Variants in ARHGAP35 observed in about 807,000 individuals in gnomAD.
The protein encoded by ARHGAP35 is rho GTPase-activating protein 35.
Under a neutral mutation model 111.1 loss-of-function variants are expected in ARHGAP35, and 15 were observed. The observed-to-expected ratio is 0.13, with a 90% CI of 0.09 to 0.21. The LOEUF (loss-of-function observed/expected upper bound fraction) is 0.21, where lower values mean the gene tolerates loss of function less well. Among genes scored for constraint, ARHGAP35 ranks in the 10% least tolerant of loss-of-function variants. The pLI, the probability that ARHGAP35 is intolerant of heterozygous loss-of-function variation, is 1.00. For synonymous variants in ARHGAP35, 643 were observed against 710.3 expected, an observed-to-expected ratio of 0.91 and a Z score of 1.51; for missense variants, 1,262 against 1,873.0, an observed-to-expected ratio of 0.67 and a Z score of 6.02.
chr19:46,868,529 G>T (rs1599789566), intron 1 of ARHGAP35, among the ~76,000 whole-genome samples: 1 of 152,280 alleles, frequency 6.6e-6, no homozygotes, highest in East Asian at 1.9e-4. Flanking sequence ...ATTTTGAAAA[G>T]AATGTACACC....
At chr19:46,964,686 T>C (rs1418816159) in intron 3 of ARHGAP35, among the ~76,000 whole-genome samples, 1 of 152,214 alleles carries the variant, frequency 6.6e-6, no homozygotes, top group Non-Finnish European at 1.5e-5. Context: ...ATTTGCTTGA[T>C]AGGGCAGTTT....
Position 46,926,692 on chromosome 19 carries a change from A to G in ARHGAP35, c.3681+4336A>G, listed in dbSNP as rs974224780. On this transcript the variant is annotated intron_variant, in intron 2 of 6. Coordinates refer to ENST00000672722, the MANE Select transcript of ARHGAP35 (RefSeq NM_004491.5). The surrounding 1 kb of genome is among the most constrained non-coding windows in gnomAD (Gnocchi z 4.1). ...TTTCACTCACTGCAGCAACCACATG[A>G]CAAGACAACCTATTGAAAAGCTAAC... Among the ~76,000 whole-genome samples the G allele has an allele frequency of 4.6e-5, 7 of 152,212 alleles. No individual in the cohort carries two copies. Among genetic ancestry groups the G allele is most frequent in the Non-Finnish European group, 7.3e-5 (5 of 68,034 alleles).
intron 1 of ARHGAP35, among the ~76,000 whole-genome samples, chr19:46,877,087 T>C (rs1447341420): frequency 1.3e-5 from 2 of 150,200 alleles, no homozygotes; most frequent in Non-Finnish European, 3.0e-5. Flanking sequence ...CCATCTCTAC[T>C]AAAAATACAA....
chr19:46,995,554 C>CT (rs2056702885), intron 5 of ARHGAP35, among the ~76,000 whole-genome samples: 1 of 152,248 alleles, frequency 6.6e-6, no homozygotes, highest in African/African-American at 2.4e-5. Flanking sequence ...GGAGACAGGC[C>CT]TGGGTCCCAT....
intron 3 of ARHGAP35, among the ~76,000 whole-genome samples, chr19:46,963,928 C>T (rs966180933): frequency 1.3e-5 from 2 of 151,252 alleles, no homozygotes; most frequent in Non-Finnish European, 1.5e-5. Context: ...AGTGCAGTGG[C>T]GCAATCTCGG....
rs927330335 is a variant in ARHGAP35 at position 46,993,767 on chromosome 19, C to T, written c.4036+4092C>T. Among the ~76,000 whole-genome samples, 1 of 152,162 alleles carries T rather than the reference C, an allele frequency of 6.6e-6. No individual in the cohort carries two copies. Among genetic ancestry groups the T allele is most frequent in the African/African-American group, 2.4e-5 (1 of 41,434 alleles). On this transcript the variant is annotated intron_variant, in intron 5 of 6. Transcript: ENST00000672722. The surrounding 1 kb of genome is among the most constrained non-coding windows in gnomAD (Gnocchi z 4.6). ...AGGAAGAGGTGCAGCTCCCAGCCCA[C>T]GCCCCCTGAGCAAGAGCAGAGCCAC...
At position 46,908,503 on chromosome 19, in the gene ARHGAP35, A is replaced by G. The variant is rs1368133998; in HGVS notation, c.-188-9985A>G. ...GGTTTTTGTTGTTGTTTTTCTTAAT[A>G]TAGGTAATCCAGAAATTATGCTAAA... On this transcript the variant is annotated intron_variant, in intron 1 of 6. Coordinates refer to ENST00000672722, the MANE Select transcript of ARHGAP35 (RefSeq NM_004491.5). The surrounding 1 kb of genome is among the most constrained non-coding windows in gnomAD (Gnocchi z 4.2). Among the ~76,000 whole-genome samples, 1 of 152,148 alleles carries G rather than the reference A, an allele frequency of 6.6e-6. No individual in the cohort carries two copies. Among genetic ancestry groups the G allele is most frequent in the Non-Finnish European group, 1.5e-5 (1 of 68,038 alleles).
At chr19:46,869,690 A>G (rs2055877673) in intron 1 of ARHGAP35, among the ~76,000 whole-genome samples, 1 of 152,080 alleles carries the variant, frequency 6.6e-6, no homozygotes, top group Non-Finnish European at 1.5e-5. Flanking sequence ...GTTCAGTAAC[A>G]AATTGATTGT....
intron 2 of ARHGAP35, among the ~76,000 whole-genome samples, chr19:46,936,764 G>T (rs968541761): frequency 6.6e-6 from 1 of 151,784 alleles, no homozygotes; most frequent in Non-Finnish European, 1.5e-5. Flanking sequence ...CTGGCATCCT[G>T]TGTGGTATTC....
chr19:46,904,607 G>C (rs1478405076), intron 1 of ARHGAP35, among the ~76,000 whole-genome samples: 3 of 152,166 alleles, frequency 2.0e-5, no homozygotes, highest in African/African-American at 7.2e-5. Context: ...CACTGTGTCA[G>C]CATTTCCATG....
rs1382071455 is a variant in ARHGAP35 at position 46,861,017 on chromosome 19, C to T, written c.-381C>T. 6.7e-6 allele frequency among the ~76,000 whole-genome samples: 1 copy of T among 150,092 alleles called. No individual in the cohort carries two copies. Among genetic ancestry groups the T allele is most frequent in the Non-Finnish European group, 1.5e-5 (1 of 67,180 alleles). ...CCCCCGCCCCGAGGGAGAGCCGCGG[C>T]GCGGCGGCAGGAGGAGGTGGAGGAG... On this transcript the variant is annotated 5_prime_UTR_variant, in exon 1 of 7. Transcript: ENST00000672722.
chr19:46,944,646 A>G (rs192354801), intron 3 of ARHGAP35, among the ~76,000 whole-genome samples: 2 of 152,304 alleles, frequency 1.3e-5, no homozygotes, highest in African/African-American at 4.8e-5. Context: ...TGGGAAGAGA[A>G]GCCTTGTTTG....
intron 3 of ARHGAP35, among the ~76,000 whole-genome samples, chr19:46,985,255 T>C (rs866435659): frequency 1.3e-5 from 2 of 152,220 alleles, no homozygotes; most frequent in Non-Finnish European, 2.9e-5. Context: ...TAACTAGTGC[T>C]GGTGAGCAGG....
intron 3 of ARHGAP35, among the ~76,000 whole-genome samples, chr19:46,978,686 G>GATGTGTGTGTGGTGGGGC (rs2056596702): frequency 1.2e-5 from 1 of 80,010 alleles, no homozygotes; most frequent in Admixed American, 1.3e-4. Context: ...TGTGTGGTGG[G>GATGTGTGTGTGGTGGGGC]ATGTGTGTGT....
At chr19:46,997,052 G>A (rs1410129074) in intron 5 of ARHGAP35, among the ~76,000 whole-genome samples, 2 of 152,156 alleles carry the variant, frequency 1.3e-5, no homozygotes, top group Non-Finnish European at 2.9e-5. Context: ...AGCTACTTGG[G>A]AGGCTGAGGC....
chr19:46,943,582 A>G (rs1434426638), intron 3 of ARHGAP35, among the ~76,000 whole-genome samples: 7 of 152,138 alleles, frequency 4.6e-5, no homozygotes, highest in African/African-American at 1.7e-4. Flanking sequence ...ATGACCACAC[A>G]GTTTCCATGT....
In ARHGAP35 at chr19:46,949,365, A is replaced by T. The variant is rs533193227; in HGVS notation, c.3826+11957A>T. Among the ~76,000 whole-genome samples the T allele has an allele frequency of 2.4e-4, 37 of 152,320 alleles. 1 individual carries two copies. In the South Asian group the frequency reaches 6.0e-3, roughly 25 times the overall value. On this transcript the variant is annotated intron_variant, in intron 3 of 6. Coordinates refer to ENST00000672722, the MANE Select transcript of ARHGAP35 (RefSeq NM_004491.5). Reference sequence around the variant, plus strand: ...TACAAAGGGGGACCACACCTTTATAATTTAAAGATCTGGGTATTACCACCT... The same window carrying T: ...TACAAAGGGGGACCACACCTTTATATTTTAAAGATCTGGGTATTACCACCT...
rs962168749 is a variant in ARHGAP35, at chr19:47,000,522, C to G, written c.4334C>G (p.Pro1445Arg). Residue 1445 changes from proline to arginine, a missense_variant, in exon 7 of 7, where the codon CCC becomes CGC. Pro to Arg is a moderately radical substitution (Grantham distance 103). This residue lies in a region of ARHGAP35 where 75 missense variants were observed against 87.0 expected (regional missense o/e 0.86). Transcript: ENST00000672722. The surrounding 1 kb of genome is among the most constrained non-coding windows in gnomAD (Gnocchi z 6.9). ...TACAATCGGCCCATCACCGAGCCCC[C>G]CGGCGCCAGGCCCAGCTCCCCCTCT... ...FFYNRPITEP[P>R]GARPSSPSAV... is the part of the protein sequence containing the mutation. The G allele has an allele frequency of 6.2e-7, 1 of 1,613,516 alleles. No individual in the cohort carries two copies. Among genetic ancestry groups the G allele is most frequent in the African/African-American group, 1.3e-5 (1 of 74,886 alleles).
intron 3 of ARHGAP35, among the ~76,000 whole-genome samples, chr19:46,965,536 G>T (rs1432157948): frequency 2.0e-5 from 3 of 152,076 alleles, no homozygotes; most frequent in Non-Finnish European, 4.4e-5. Context: ...CTAGGCTGGT[G>T]TGCCGTGGCA....
Sources: gnomAD v4.1 joint callset for allele counts (sites outside exome capture counted in the v4.1 genomes callset) on GRCh38, gnomAD v4.1.1 for gene constraint, gnomAD v4.1.1 regional missense constraint, Gnocchi (gnomAD v3.1) non-coding constraint, MANE v1.5 for transcripts, NCBI Gene and HGNC (gene_info 2026-07-23, HGNC 2026-07-21) for gene names.